RESF1: variants seen among roughly 807,000 people sequenced by gnomAD.
RESF1 encodes the protein gonad expressed transcript.
In RESF1, 65 loss-of-function variants were observed where a neutral mutation model predicts 134.7. That is an observed-to-expected ratio of 0.48 (90% CI 0.40 to 0.59). RESF1 has a LOEUF of 0.59. Ranked by LOEUF, RESF1 falls within the 20% of genes least tolerant of loss-of-function variation. The pLI is 0.00. For synonymous variants in RESF1, 762 were observed against 702.2 expected, an observed-to-expected ratio of 1.09 and a Z score of -1.35; for missense variants, 2,274 against 2,002.7, an observed-to-expected ratio of 1.14 and a Z score of -2.59.
chr12:31,988,281 G>A (rs886156103), intron 5 of RESF1, among the ~76,000 whole-genome samples: 4 of 152,056 alleles, frequency 2.6e-5, no homozygotes, highest in Admixed American at 6.6e-5. Context: ...TCAGCCCTCC[G>A]TATCTGCGTG....
intron 5 of RESF1, among the ~76,000 whole-genome samples, chr12:31,990,265 A>G (rs112129031): frequency 0.012 from 1,793 of 152,248 alleles, 28 homozygotes; most frequent in African/African-American, 0.04. Flanking sequence ...TGAAATACTC[A>G]GAATCATGAT....
intron 3 of RESF1, among the ~76,000 whole-genome samples, chr12:31,972,186 C>T (rs1220900609): frequency 6.6e-6 from 1 of 152,124 alleles, no homozygotes; most frequent in Non-Finnish European, 1.5e-5. Context: ...TAAGGTGTTT[C>T]CCTGAGTTCT....
chr12:31,990,470 GAC>G (rs780722471), intron 5 of RESF1, among the ~76,000 whole-genome samples: 5 of 151,998 alleles, frequency 3.3e-5, no homozygotes, highest in Non-Finnish European at 7.4e-5. Context: ...TTATTTTTTA[GAC>G]AGTCTCGCTG....
In RESF1 at chr12:31,992,411, T is replaced by TC. The variant is rs1286583381; in HGVS notation, c.5121dup (p.Ser1708GlnfsTer6). 1.9e-6 allele frequency: 3 copies of TC among 1,613,492 alleles called. No homozygotes were observed. On this transcript the variant is annotated frameshift_variant, in exon 6 of 6. Transcript: ENST00000312561. LOFTEE classifies it low-confidence loss of function (END_TRUNC). ...AATTCAAGACTCTCGAAGAGAAGCT[T>TC]CAGTGCAGATGGATTTGAGATGCTA...
rs148281991 is a variant in RESF1, at chr12:31,982,405, A to C, written c.1450A>C (p.Met484Leu). 6.2e-7 allele frequency: 1 copy of C among 1,614,116 alleles called. No homozygotes were observed. Among genetic ancestry groups the C allele is most frequent in the Non-Finnish European group, 8.5e-7 (1 of 1,180,010 alleles). ...TGCAGAAACAAATAAGACTCAATGT[A>C]TGTTGAATTCTGACATTCAGGAAGT... ...ESAETNKTQC[M>L]LNSDIQEVNC... is the part of the protein sequence containing the mutation. The change falls in exon 4 of 6, where the codon ATG becomes CTG. Residue 484 changes from methionine to leucine, a missense_variant. Coordinates refer to ENST00000312561, the MANE Select transcript of RESF1 (RefSeq NM_018169.4).
chr12:31,983,591 C>T lies in RESF1; in HGVS notation c.2636C>T (p.Ser879Leu). Residue 879 changes from serine to leucine, a missense_variant, in exon 4 of 6, where the codon TCA becomes TTA. Coordinates refer to ENST00000312561, the MANE Select transcript of RESF1 (RefSeq NM_018169.4). ...AACGATCAGCAAATCTCACAGGAGT[C>T]AAGGAATAGTACTGTTGTGAGTAGT... ...PMNDQQISQE[S>L]RNSTVVSSDT... 2 of 1,613,936 alleles carry T rather than the reference C, an allele frequency of 1.2e-6. No individual in the cohort carries two copies. The highest frequency in any genetic ancestry group is 1.7e-6 in the Non-Finnish European group (2 of 1,179,862).
At position 31,985,527 on chromosome 12, in the gene RESF1, T is replaced by G; in HGVS notation, c.4572T>G (p.Ser1524=). The G allele has an allele frequency of 6.2e-7, 1 of 1,601,160 alleles. No individual in the cohort carries two copies. Among genetic ancestry groups the G allele is most frequent in the Non-Finnish European group, 8.5e-7 (1 of 1,176,434 alleles). ...GTAAAAACCTCAAAATCCACCATTCTCAGGAGTCTAAAACATACAACATTC... is the reference window on the plus strand; with the variant it reads ...GTAAAAACCTCAAAATCCACCATTCGCAGGAGTCTAAAACATACAACATTC... ...SHGKNLKIHH[S]QESKTYNILR... The change falls in exon 4 of 6, where the codon TCT becomes TCG. Residue 1524 remains serine (S), a synonymous_variant. Transcript: ENST00000312561.
At chr12:31,962,542 G>T (rs1040400462) in intron 2 of RESF1, 1 of 152,184 alleles carries the variant, frequency 6.6e-6, no homozygotes, top group African/African-American at 2.4e-5. Flanking sequence ...GGAGGCTGTT[G>T]AGGTAAATAA....
chr12:31,980,894 C>A lies in RESF1; in HGVS notation c.-62C>A. On this transcript the variant is annotated 5_prime_UTR_variant, in exon 4 of 6. Coordinates refer to ENST00000312561, the MANE Select transcript of RESF1 (RefSeq NM_018169.4). Reference sequence around the variant, plus strand: ...TTCTTACAGATTCCTGACATTCAGACAACTGACTTGTAACTGACTTATAAC... The same window carrying A: ...TTCTTACAGATTCCTGACATTCAGAAAACTGACTTGTAACTGACTTATAAC... 1 of 1,219,760 alleles carries A rather than the reference C, an allele frequency of 8.2e-7. No homozygotes were observed. The highest frequency in any genetic ancestry group is 1.1e-6 in the Non-Finnish European group (1 of 870,838). The allele number at this position is 1,219,760 out of a possible 1,614,324, so 75.6% of individuals were successfully genotyped here. A position where few individuals can be genotyped will look rare whatever the true frequency, so the allele number is the denominator to read the frequency against.
chr12:31,991,553 A>G (rs1404183183), intron 5 of RESF1, among the ~76,000 whole-genome samples: 1 of 152,226 alleles, frequency 6.6e-6, no homozygotes, highest in Non-Finnish European at 1.5e-5. Context: ...CTTGACTGTG[A>G]TGGTATGAAA....
At chr12:31,979,228 C>T (rs780336176) in intron 3 of RESF1, among the ~76,000 whole-genome samples, 4 of 152,172 alleles carry the variant, frequency 2.6e-5, no homozygotes, top group Non-Finnish European at 5.9e-5. Context: ...CCCCACAGTA[C>T]TTCTGACACC....
rs745573277 is a variant in RESF1 at position 31,985,511 on chromosome 12, T to C, written c.4556T>C (p.Leu1519Pro). The C allele has an allele frequency of 5.0e-6, 8 of 1,602,966 alleles. No homozygotes were observed. In the South Asian group the frequency reaches 7.9e-5, roughly 16 times the overall value. ...GGCTTGACAAGCCATGGTAAAAACCTCAAAATCCACCATTCTCAGGAGTCT... is the reference window on the plus strand; with the variant it reads ...GGCTTGACAAGCCATGGTAAAAACCCCAAAATCCACCATTCTCAGGAGTCT... ...LNGLTSHGKN[L>P]KIHHSQESKT... The change falls in exon 4 of 6, where the codon CTC (leucine) becomes CCC (proline). Residue 1519 changes from leucine to proline, a missense_variant. Transcript: ENST00000312561.
In RESF1 at chr12:31,984,420, A is replaced by G; in HGVS notation, c.3465A>G (p.Gly1155=). The G allele has an allele frequency of 6.2e-7, 1 of 1,614,186 alleles. No individual in the cohort carries two copies. Residue 1155 remains glycine (G), a synonymous_variant, in exon 4 of 6, where the codon GGA becomes GGG. Coordinates refer to ENST00000312561, the MANE Select transcript of RESF1 (RefSeq NM_018169.4). ...SQCDLQAPAA[G]QSRDSVILDS... ...GTGACCTGCAGGCACCTGCAGCTGG[A>G]CAAAGTCGTGATTCTGTGATACTGG...
intron 5 of RESF1, among the ~76,000 whole-genome samples, chr12:31,989,863 CAGTT>C (rs147491705): frequency 0.028 from 4,259 of 151,994 alleles, 304 homozygotes; most frequent in East Asian, 0.22. Flanking sequence ...AAAAAAAAGT[CAGTT>C]AGCATTGAAA....
At chr12:31,986,687 T>A in intron 4 of RESF1, among the ~76,000 whole-genome samples, 1 of 152,170 alleles carries the variant, frequency 6.6e-6, no homozygotes, top group East Asian at 1.9e-4. Context: ...CATTTAGACA[T>A]AGTGGATATT....
chr12:31,978,712 ATTTTTTTT>A lies in RESF1; in HGVS notation c.-78-2152_-78-2145del, dbSNP rs35842957. On this transcript the variant is annotated intron_variant, in intron 3 of 5. Coordinates refer to ENST00000312561, the MANE Select transcript of RESF1 (RefSeq NM_018169.4). The stretch of plus-strand genomic sequence containing the variant: ...AGGTGCCCGCCACCACACCCAGCTA[ATTTTTTTT>A]TTTTTTTTTTTTTGTATATTTAGTA... Among the ~76,000 whole-genome samples the A allele has an allele frequency of 2.3e-3, 285 of 121,924 alleles. 2 individuals are homozygous for A. Among genetic ancestry groups the A allele is most frequent in the African/African-American group, 7.7e-3 (260 of 33,764 alleles). The allele number at this position is 121,924 out of a possible 152,430, so 80.0% of individuals were successfully genotyped here.
Position 31,965,837 on chromosome 12 carries a change from G to A in RESF1, c.-246-4352G>A, listed in dbSNP as rs555941914. On this transcript the variant is annotated intron_variant, in intron 2 of 5. Transcript: ENST00000312561. ...ACTCAGGAGGTGGAGGTTGCAGTGAGCCAAGATCACGCCACTGCACTCTAG... is the reference window on the plus strand; with the variant it reads ...ACTCAGGAGGTGGAGGTTGCAGTGAACCAAGATCACGCCACTGCACTCTAG... 3.5e-5 allele frequency among the ~76,000 whole-genome samples: 5 copies of A among 144,884 alleles called. No individual in the cohort carries two copies. In the East Asian group the frequency reaches 1.0e-3, roughly 29 times the overall value.
intron 2 of RESF1, among the ~76,000 whole-genome samples, chr12:31,965,375 T>A (rs11051702): frequency 0.012 from 1,856 of 152,306 alleles, 44 homozygotes; most frequent in African/African-American, 0.042. Context: ...GGCTGGCCAC[T>A]ACTTCATTTA....
chr12:31,971,569 AGACT>A (rs1429594494), intron 3 of RESF1, among the ~76,000 whole-genome samples: 1 of 152,258 alleles, frequency 6.6e-6, no homozygotes, highest in East Asian at 1.9e-4. Context: ...TTTAAAATCC[AGACT>A]GACATTCTCT....
Sources: allele counts gnomAD v4.1 joint callset (sites outside exome capture counted in the v4.1 genomes callset), GRCh38; gene constraint gnomAD v4.1.1; transcripts MANE v1.5; gene names NCBI Gene and HGNC (gene_info 2026-07-23, HGNC 2026-07-21).